Variants in LINGO2 observed in about 807,000 individuals in gnomAD.
The protein encoded by LINGO2 is leucine rich repeat and Ig domain containing 2, also known as leucine-rich repeat and immunoglobulin-like domain-containing nogo receptor-interacting protein 2.
In LINGO2, 14 loss-of-function variants were observed where a neutral mutation model predicts 30.6. The ratio of observed to expected loss-of-function variants is 0.46; its 90% CI spans 0.30 to 0.72. LINGO2 has a LOEUF of 0.72. Ranked by LOEUF, LINGO2 falls within the 30% of genes least tolerant of loss-of-function variation. The pLI, the probability that LINGO2 is intolerant of heterozygous loss-of-function variation, is 0.07. For missense variants in LINGO2, 729 were observed against 751.7 expected (o/e 0.97, Z 0.35); for synonymous variants, 317 against 288.5 (o/e 1.10, Z -1.00).
intron 1 of LINGO2, among the ~76,000 whole-genome samples, chr9:28,512,510 C>G (rs980603590): frequency 1.3e-5 from 2 of 149,710 alleles, no homozygotes; most frequent in African/African-American, 2.5e-5. Flanking sequence ...GCAGAGCCTT[C>G]TCCTGTTCTG....
At chr9:27,943,692 C>G (rs984177366), downstream of LINGO2, 8 of 151,384 alleles carry the variant, frequency 5.3e-5, no homozygotes, top group African/African-American at 1.9e-4. Context: ...AGACTTATCC[C>G]TGGAGAGAGC....
the LINGO2 span, among the ~76,000 whole-genome samples, chr9:29,098,819 TA>T: frequency 6.6e-6 from 1 of 152,012 alleles, no homozygotes; most frequent in Admixed American, 6.6e-5. Flanking sequence ...CGTGTTAAAG[TA>T]AGTGTAGTAG....
the LINGO2 span, among the ~76,000 whole-genome samples, chr9:29,204,444 GT>G: frequency 0.14 from 20,775 of 151,966 alleles, 1,494 homozygotes; most frequent in Middle Eastern, 0.17. Context: ...GATTATATCT[GT>G]CCCCTTCCCA....
chr9:29,019,807 T>C, the LINGO2 span, among the ~76,000 whole-genome samples: 1 of 152,200 alleles, frequency 6.6e-6, no homozygotes, highest in African/African-American at 2.4e-5. Context: ...ATGCATTGAT[T>C]ATCAGATATC....
the LINGO2 span, among the ~76,000 whole-genome samples, chr9:28,683,045 C>G: frequency 6.6e-6 from 1 of 152,030 alleles, no homozygotes; most frequent in African/African-American, 2.4e-5. Flanking sequence ...TTTCCCTGTC[C>G]TGAGATAATA....
At chr9:29,209,238 C>A in the LINGO2 span, among the ~76,000 whole-genome samples, 1 of 152,096 alleles carries the variant, frequency 6.6e-6, no homozygotes, top group African/African-American at 2.4e-5. Context: ...TTTACACTTT[C>A]CAGAAACGAA....
chr9:28,735,103 A>G, the LINGO2 span, among the ~76,000 whole-genome samples: 1 of 152,086 alleles, frequency 6.6e-6, no homozygotes, highest in Non-Finnish European at 1.5e-5. Flanking sequence ...GTCAAGATTT[A>G]TACTCTTTCT....
the LINGO2 span, among the ~76,000 whole-genome samples, chr9:28,752,895 C>G: frequency 1.2e-4 from 19 of 152,080 alleles, no homozygotes; most frequent in African/African-American, 4.3e-4. Context: ...CTATGGACCT[C>G]CTTTTTATAA....
intron 4 of LINGO2, among the ~76,000 whole-genome samples, chr9:28,085,968 C>T (rs759551598): frequency 4.6e-5 from 7 of 152,034 alleles, no homozygotes; most frequent in Non-Finnish European, 4.4e-5. Context: ...TTCACTTACA[C>T]GAACAATGTG....
chr9:28,476,935 G>T (rs1285236135), intron 1 of LINGO2, among the ~76,000 whole-genome samples: 1 of 152,200 alleles, frequency 6.6e-6, no homozygotes, highest in Non-Finnish European at 1.5e-5. Flanking sequence ...GAAATGAGAT[G>T]TTCTTTTCAG....
At chr9:28,356,341 C>A (rs1820208451) in intron 3 of LINGO2, among the ~76,000 whole-genome samples, 1 of 152,030 alleles carries the variant, frequency 6.6e-6, no homozygotes, top group Non-Finnish European at 1.5e-5. Flanking sequence ...GTTTGTAGAC[C>A]CATACCCATG....
intron 3 of LINGO2, among the ~76,000 whole-genome samples, chr9:28,318,004 G>T (rs1824905256): frequency 6.6e-6 from 1 of 152,154 alleles, no homozygotes; most frequent in African/African-American, 2.4e-5. Context: ...AAGACTATCA[G>T]CAAGGAATAC....
chr9:28,820,427 A>T, the LINGO2 span, among the ~76,000 whole-genome samples: 1 of 152,194 alleles, frequency 6.6e-6, no homozygotes, highest in African/African-American at 2.4e-5. Flanking sequence ...GATGAAAAAG[A>T]TGCAAGCAGT....
At chr9:28,211,366 G>A (rs1820586740) in intron 4 of LINGO2, among the ~76,000 whole-genome samples, 1 of 149,916 alleles carries the variant, frequency 6.7e-6, no homozygotes, top group Non-Finnish European at 1.5e-5. Flanking sequence ...CATCTCCAGA[G>A]AGCACCTGTT....
chr9:28,036,915 A>AAAATAG (rs1412187952), intron 4 of LINGO2, among the ~76,000 whole-genome samples: 2 of 152,214 alleles, frequency 1.3e-5, no homozygotes, highest in African/African-American at 4.8e-5. Flanking sequence ...TTGGACTGGA[A>AAAATAG]AAATAGAAGG....
the LINGO2 span, among the ~76,000 whole-genome samples, chr9:29,056,537 T>C: frequency 6.6e-6 from 1 of 152,194 alleles, no homozygotes; most frequent in African/African-American, 2.4e-5. Context: ...TCCCACTCTG[T>C]GGGTTGTCTG....
rs114215214 is a variant in LINGO2, at chr9:27,985,757, A to G, written c.-36+26598T>C. 6.6e-3 allele frequency among the ~76,000 whole-genome samples: 1,004 copies of G among 151,874 alleles called. 15 individuals carry two copies. Among genetic ancestry groups the G allele is most frequent in the African/African-American group, 0.023 (945 of 41,462 alleles). ...CAAAATCCCCTTGAAATTCCCCCCA[A>G]CACTTCCCAGGCCATCCTGAATATC... is the stretch of plus-strand genomic sequence containing the variant. On this transcript the variant is annotated intron_variant, in intron 5 of 5. Transcript: ENST00000379992.
chr9:28,195,329 G>A (rs1400453843), intron 4 of LINGO2, among the ~76,000 whole-genome samples: 1 of 145,814 alleles, frequency 6.9e-6, no homozygotes, highest in Non-Finnish European at 1.5e-5. Context: ...ATCTCACTAT[G>A]TTATGGAACT....
the LINGO2 span, among the ~76,000 whole-genome samples, chr9:28,885,358 T>TACACACACACACAC: frequency 4.1e-4 from 58 of 142,164 alleles, no homozygotes; most frequent in Admixed American, 8.5e-4. Context: ...GATATATATA[T>TACACACACACACAC]ATACACACAC....
Sources: gnomAD v4.1 joint callset for allele counts (sites outside exome capture counted in the v4.1 genomes callset) on GRCh38, gnomAD v4.1.1 for gene constraint, MANE v1.5 for transcripts, NCBI Gene and HGNC (gene_info 2026-07-23, HGNC 2026-07-21) for gene names.